The following SRGAP2 variants were observed in gnomAD, a reference collection of about 807,000 sequenced individuals.
SRGAP2 encodes the protein SLIT-ROBO Rho GTPase activating protein 2.
SRGAP2 carries 15 observed loss-of-function variants against 57.2 expected under a neutral mutation model. The observed-to-expected ratio is 0.26, with a 90% CI of 0.18 to 0.40. The LOEUF is 0.40. Ranked by LOEUF, SRGAP2 falls within the 10% of genes least tolerant of loss-of-function variation. The pLI, the probability that SRGAP2 is intolerant of heterozygous loss-of-function variation, is 1.00. For missense variants in SRGAP2, 520 were observed against 669.6 expected (o/e 0.78, Z 2.47); for synonymous variants, 249 against 248.0 (o/e 1.00, Z -0.04).
At chr1:206,404,705 C>T (rs1185281543) in intron 8 of SRGAP2, among the ~76,000 whole-genome samples, 1 of 152,178 alleles carries the variant, frequency 6.6e-6, no homozygotes, top group African/African-American at 2.4e-5. Context: ...GATTCCATAC[C>T]CCCTCGGGCC....
intron 21 of SRGAP2, among the ~76,000 whole-genome samples, chr1:206,458,165 A>C (rs1663990248): frequency 6.6e-6 from 1 of 152,234 alleles, no homozygotes; most frequent in Non-Finnish European, 1.5e-5. Flanking sequence ...CAAAACAGTT[A>C]CAGTCTTTTT....
intron 13 of SRGAP2, among the ~76,000 whole-genome samples, chr1:206,422,622 GGCATCTTGCTTATAGCTGGA>G (rs1660416423): frequency 6.6e-6 from 1 of 152,184 alleles, no homozygotes; most frequent in South Asian, 2.1e-4. Flanking sequence ...GCTGAAACCA[GGCATCTTGCTTATAGCTGGA>G]GCATGTTTGC....
chr1:206,389,488 T>A (rs1656704490), intron 5 of SRGAP2, among the ~76,000 whole-genome samples: 1 of 152,052 alleles, frequency 6.6e-6, no homozygotes, highest in South Asian at 2.1e-4. Context: ...GTTCTCAGAC[T>A]TTCAATAGCT....
At chr1:206,250,244 A>G (rs1668756397) in intron 2 of SRGAP2, among the ~76,000 whole-genome samples, 1 of 152,080 alleles carries the variant, frequency 6.6e-6, no homozygotes, top group South Asian at 2.1e-4. Context: ...TGATGTGAGA[A>G]TAACAGAGCC....
intron 2 of SRGAP2, among the ~76,000 whole-genome samples, chr1:206,272,670 C>T (rs1670190364): frequency 6.6e-6 from 1 of 152,156 alleles, no homozygotes; most frequent in South Asian, 2.1e-4. Flanking sequence ...CCTCAGCCTC[C>T]CAAAGAGCTG....
intron 18 of SRGAP2, among the ~76,000 whole-genome samples, chr1:206,449,309 T>TTA (rs1207525814): frequency 4.6e-4 from 68 of 149,432 alleles, no homozygotes; most frequent in Non-Finnish European, 3.3e-4. Context: ...TTTTTTTTTT[T>TTA]TAGACAGGAT....
chr1:206,442,961 T>C (rs1049110921), intron 17 of SRGAP2, among the ~76,000 whole-genome samples: 3 of 152,186 alleles, frequency 2.0e-5, no homozygotes, highest in African/African-American at 7.2e-5. Flanking sequence ...ATTGGACACA[T>C]TGTCAATCTC....
At chr1:206,213,737 T>C (rs1436865391) in intron 2 of SRGAP2, among the ~76,000 whole-genome samples, 1 of 152,002 alleles carries the variant, frequency 6.6e-6, no homozygotes, top group Non-Finnish European at 1.5e-5. Context: ...CTGGCCAACA[T>C]GGTAAAACCT....
intron 14 of SRGAP2, among the ~76,000 whole-genome samples, chr1:206,433,484 C>CA (rs1483675612): frequency 2.0e-5 from 3 of 151,752 alleles, no homozygotes; most frequent in African/African-American, 7.3e-5. Flanking sequence ...ACTAAAAATA[C>CA]AAAAAAATTA....
Position 206,454,054 on chromosome 1 carries a change from C to A in SRGAP2, c.2360+674C>A, listed in dbSNP as rs1380177657. Reference sequence around the variant, plus strand: ...GGGCCCACCCAAGCCTGCCCCCTGTCCGTTTGCCCTGTCTCTGTCCCCAGC... The same window carrying A: ...GGGCCCACCCAAGCCTGCCCCCTGTACGTTTGCCCTGTCTCTGTCCCCAGC... On this transcript the variant is annotated intron_variant, in intron 20 of 22. Coordinates refer to ENST00000573034, the MANE Select transcript of SRGAP2 (RefSeq NM_015326.5). The surrounding 1 kb of genome is among the most constrained non-coding windows in gnomAD (Gnocchi z 4.3). The A allele has an allele frequency of 5.7e-6, 4 of 698,016 alleles. No homozygotes were observed. The highest frequency in any genetic ancestry group is 7.8e-6 in the Non-Finnish European group (3 of 382,370). The allele number at this position is 698,016 out of a possible 1,614,324, so 43.2% of individuals were successfully genotyped here. A position where few individuals can be genotyped will look rare whatever the true frequency, so the allele number is the denominator to read the frequency against.
chr1:206,212,319 A>G (rs1553302595), intron 2 of SRGAP2, among the ~76,000 whole-genome samples: 1 of 128,990 alleles, frequency 7.8e-6, no homozygotes, highest in African/African-American at 3.0e-5. Context: ...AGCTGGGGCT[A>G]TAGGCACATG....
intron 4 of SRGAP2, among the ~76,000 whole-genome samples, chr1:206,381,044 T>C (rs1655659044): frequency 6.6e-6 from 1 of 152,214 alleles, no homozygotes; most frequent in Admixed American, 6.5e-5. Flanking sequence ...ACACATGTAG[T>C]CCCAGCCCAA....
chr1:206,445,895 G>A (rs1662714846), intron 17 of SRGAP2, among the ~76,000 whole-genome samples, 180 bp from the exon 18 acceptor site: 2 of 152,312 alleles, frequency 1.3e-5, no homozygotes, highest in South Asian at 2.1e-4. Context: ...GCTCCTGAAT[G>A]ACCATTCTGG....
chr1:206,447,891 C>T (rs2103367750), intron 18 of SRGAP2, among the ~76,000 whole-genome samples: 1 of 148,702 alleles, frequency 6.7e-6, no homozygotes, highest in East Asian at 2.3e-4. Context: ...CTCCAGTTTC[C>T]TCCAAGATAG....
intron 2 of SRGAP2, among the ~76,000 whole-genome samples, chr1:206,251,702 CTT>C (rs1180655419): frequency 0.018 from 1,224 of 66,296 alleles, 53 homozygotes; most frequent in Non-Finnish European, 0.025. Context: ...CCCCTTGGTT[CTT>C]TTTTTTTTTT....
At chr1:206,439,197 CAT>C (rs1234290025) in intron 16 of SRGAP2, among the ~76,000 whole-genome samples, 1 of 152,114 alleles carries the variant, frequency 6.6e-6, no homozygotes, top group Non-Finnish European at 1.5e-5. Context: ...TAAAGGCACT[CAT>C]AGAAAATGGC....
At chr1:206,442,077 G>C (rs1248268435) in intron 17 of SRGAP2, among the ~76,000 whole-genome samples, 1 of 152,216 alleles carries the variant, frequency 6.6e-6, no homozygotes, top group Non-Finnish European at 1.5e-5. Flanking sequence ...ATAAGTGTCA[G>C]CTTGCTTCCA....
rs1450151195 is a variant in SRGAP2 at position 206,424,000 on chromosome 1, G to A, written c.1494+2726G>A. Among the ~76,000 whole-genome samples the A allele has an allele frequency of 2.9e-5, 4 of 138,656 alleles. No homozygotes were observed. The South Asian group carries it at 6.9e-4, about 24-fold the overall frequency. The allele number at this position is 138,656 out of a possible 152,430, so 91.0% of individuals were successfully genotyped here. A position where few individuals can be genotyped will look rare whatever the true frequency, so the allele number is the denominator to read the frequency against. On this transcript the variant is annotated intron_variant, in intron 13 of 22. Coordinates refer to ENST00000573034, the MANE Select transcript of SRGAP2 (RefSeq NM_015326.5). ...TAGAGACTGAGTTTCACCATGTTGC[G>A]CAGGCTGGTCTCGAATTCCTGAGCT...
At chr1:206,340,527 A>G (rs567654767) in intron 3 of SRGAP2, among the ~76,000 whole-genome samples, 3 of 152,224 alleles carry the variant, frequency 2.0e-5, no homozygotes, top group African/African-American at 7.2e-5. Context: ...ACCCCCCCCA[A>G]TCCATCTTCT....
Sources: gnomAD v4.1 joint callset for allele counts (sites outside exome capture counted in the v4.1 genomes callset) on GRCh38, gnomAD v4.1.1 for gene constraint, Gnocchi (gnomAD v3.1) non-coding constraint, MANE v1.5 for transcripts, NCBI Gene and HGNC (gene_info 2026-07-23, HGNC 2026-07-21) for gene names.